PINX1: variants seen among roughly 807,000 people sequenced by gnomAD.
PINX1 encodes PIN2/TERF1-interacting telomerase inhibitor 1.
PINX1 carries 34 observed loss-of-function variants against 25.4 expected under a neutral mutation model. That is an observed-to-expected ratio of 1.34 (90% CI 1.02 to 1.78). The LOEUF (loss-of-function observed/expected upper bound fraction) is 1.78, where lower values mean the gene tolerates loss of function less well. Ranked by LOEUF, PINX1 falls within the 40% of genes most tolerant of loss-of-function variation. PINX1 has a pLI of 0.00. For synonymous variants in PINX1, 197 were observed against 147.7 expected, an observed-to-expected ratio of 1.33 and a Z score of -2.42; for missense variants, 592 against 404.9, an observed-to-expected ratio of 1.46 and a Z score of -3.97.
At chr8:10,775,434 T>G (rs866566137) in intron 6 of PINX1, among the ~76,000 whole-genome samples, 2,794 of 149,372 alleles carry the variant, frequency 0.019, 175 homozygotes, top group African/African-American at 0.065. Flanking sequence ...TTTTTTTTTT[T>G]TTTTTTGCCT....
chr8:10,832,907 A>G lies in PINX1; in HGVS notation c.207T>C (p.Ala69=), dbSNP rs1563239606. The G allele has an allele frequency of 1.9e-6, 3 of 1,607,326 alleles. No homozygotes were observed. Among genetic ancestry groups the G allele is most frequent in the Non-Finnish European group, 2.6e-6 (3 of 1,174,414 alleles). ...TGCTGCTCACTTCATTATTGATGGT[A>G]GCTCCGAGTCCCAGGTGGTTATTTT... ...QVKNNHLGLG[A]TINNEDNWIA... Residue 69 remains alanine, a synonymous_variant, in exon 3 of 7, where the codon GCT becomes GCC. Transcript: ENST00000314787.
chr8:10,806,466 C>T (rs1477345378), intron 6 of PINX1, among the ~76,000 whole-genome samples: 2 of 152,180 alleles, frequency 1.3e-5, no homozygotes, highest in Non-Finnish European at 2.9e-5. Context: ...TTGAAAAATG[C>T]AACCATTCCC....
chr8:10,820,104 G>T, intron 6 of PINX1, 89 bp downstream of exon 6: 1 of 832,048 alleles, frequency 1.2e-6, no homozygotes, highest in Non-Finnish European at 2.1e-6. Context: ...TGTCAGAAAA[G>T]TACTAGTCAT....
At chr8:10,810,388 C>G (rs1412364408) in intron 6 of PINX1, among the ~76,000 whole-genome samples, 1 of 152,168 alleles carries the variant, frequency 6.6e-6, no homozygotes, top group Non-Finnish European at 1.5e-5. Context: ...GATGCCTTGT[C>G]CAGCCAGAGA....
intron 6 of PINX1, 105 bp from the exon 7 acceptor site, chr8:10,766,021 C>A (rs1801032150): frequency 9.1e-7 from 1 of 1,101,382 alleles, no homozygotes; most frequent in Non-Finnish European, 1.3e-6. Context: ...CACCCACACC[C>A]GGCGCTCACA....
At chr8:10,826,075 C>G in intron 5 of PINX1, 77 bp downstream of exon 5, 1 of 747,984 alleles carries the variant, frequency 1.3e-6, no homozygotes, top group African/African-American at 1.8e-5. Context: ...CGCTATTGGC[C>G]CAGAGCTAAA....
At chr8:10,814,780 G>C (rs1797645929) in intron 6 of PINX1, among the ~76,000 whole-genome samples, 1 of 152,142 alleles carries the variant, frequency 6.6e-6, no homozygotes, top group African/African-American at 2.4e-5. Context: ...AGAATGATGA[G>C]GCTTCAACTG....
intron 6 of PINX1, among the ~76,000 whole-genome samples, chr8:10,795,423 C>T (rs777856626): frequency 2.0e-5 from 3 of 152,242 alleles, no homozygotes; most frequent in African/African-American, 7.2e-5. Context: ...CACACCAAGA[C>T]GGAGTGTTGC....
rs865840447 is a variant in PINX1 at position 10,765,909 on chromosome 8, G to C, written c.479C>G (p.Ala160Gly). 3.7e-6 allele frequency: 6 copies of C among 1,613,384 alleles called. No individual in the cohort carries two copies. The highest frequency in any genetic ancestry group is 1.1e-5 in the South Asian group (1 of 91,068). Residue 160 changes from alanine to glycine, a missense_variant, in exon 7 of 7, where the codon GCC (alanine) becomes GGC (glycine). Physicochemically the swap from Ala to Gly is moderately conservative, Grantham distance 60 (BLOSUM62 0). Coordinates refer to ENST00000314787, the MANE Select transcript of PINX1 (RefSeq NM_017884.6). Reference sequence around the variant, plus strand: ...GTTCTCCTCTGGAGTGGAGGGACTGGCATCGCCCTATGGTGGGCAGAAGAG... The same window carrying C: ...GTTCTCCTCTGGAGTGGAGGGACTGCCATCGCCCTATGGTGGGCAGAAGAG... ...RQSKKTPEGD[A>G]SPSTPEENET...
chr8:10,765,439 T>C lies in PINX1; in HGVS notation c.949A>G (p.Thr317Ala), dbSNP rs748978980. 1 of 1,607,100 alleles carries C rather than the reference T, an allele frequency of 6.2e-7. No individual in the cohort carries two copies. Among genetic ancestry groups the C allele is most frequent in the East Asian group, 2.2e-5 (1 of 44,838 alleles). The change falls in exon 7 of 7, where the codon ACG becomes GCG. Residue 317 changes from threonine (T) to alanine (A), a missense_variant. By Grantham distance (58) the Thr-to-Ala change is moderately conservative. Coordinates refer to ENST00000314787, the MANE Select transcript of PINX1 (RefSeq NM_017884.6). ...TTCTTCTTCTTCTTTTTCACTAGCG[T>C]TTCTTCTAGTGTAGCGTCCTCTGCT... Reference protein sequence around the residue: ...EIAEDATLEETLVKKKKKKDS... With the variant: ...EIAEDATLEEALVKKKKKKDS...
intron 5 of PINX1, among the ~76,000 whole-genome samples, chr8:10,823,368 C>A (rs1251746589): frequency 1.6e-4 from 24 of 152,144 alleles, no homozygotes; most frequent in Non-Finnish European, 3.4e-4. Context: ...TTTCATCCAA[C>A]AACTGCATAA....
At chr8:10,802,766 G>GC (rs2129080228) in intron 6 of PINX1, among the ~76,000 whole-genome samples, 1 of 152,282 alleles carries the variant, frequency 6.6e-6, no homozygotes, top group Non-Finnish European at 1.5e-5. Context: ...GGGATGGGGT[G>GC]CTCTGCTCAG....
intron 6 of PINX1, among the ~76,000 whole-genome samples, chr8:10,784,428 C>A (rs1308360547): frequency 6.6e-6 from 1 of 152,196 alleles, no homozygotes; most frequent in African/African-American, 2.4e-5. Context: ...AGTTTCAGCG[C>A]TACCTAGAAA....
At chr8:10,767,341 T>C (rs1239800296) in intron 6 of PINX1, among the ~76,000 whole-genome samples, 1 of 152,034 alleles carries the variant, frequency 6.6e-6, no homozygotes, top group East Asian at 1.9e-4. Flanking sequence ...TCGATATTAA[T>C]ATGTATCAAT....
At chr8:10,792,981 G>A (rs768767359) in intron 6 of PINX1, among the ~76,000 whole-genome samples, 19 of 152,156 alleles carry the variant, frequency 1.2e-4, no homozygotes, top group Non-Finnish European at 2.5e-4. Context: ...TGTCCAGACT[G>A]TCTTGTTGCC....
chr8:10,798,856 C>G (rs778487588), intron 6 of PINX1, among the ~76,000 whole-genome samples: 2 of 152,132 alleles, frequency 1.3e-5, no homozygotes, highest in East Asian at 3.8e-4. Flanking sequence ...ATAAGTCCAC[C>G]GGGTGATTCT....
At chr8:10,834,992 T>A (rs1392246912) in intron 1 of PINX1, among the ~76,000 whole-genome samples, 1 of 152,212 alleles carries the variant, frequency 6.6e-6, no homozygotes, top group Admixed American at 6.5e-5. Flanking sequence ...TAAGTTGACC[T>A]CTTAAGATTA....
At chr8:10,787,200 A>T (rs1228457770) in intron 6 of PINX1, among the ~76,000 whole-genome samples, 1 of 148,936 alleles carries the variant, frequency 6.7e-6, no homozygotes, top group Non-Finnish European at 1.5e-5. Context: ...ACACATACAC[A>T]TATTTTATGC....
At chr8:10,817,085 A>C (rs1053699537) in intron 6 of PINX1, among the ~76,000 whole-genome samples, 12 of 152,200 alleles carry the variant, frequency 7.9e-5, no homozygotes, top group African/African-American at 2.7e-4. Context: ...GCTGTTACCC[A>C]AGCCAAGAAC....
Sources: allele counts gnomAD v4.1 joint callset (sites outside exome capture counted in the v4.1 genomes callset), GRCh38; gene constraint gnomAD v4.1.1; transcripts MANE v1.5; gene names NCBI Gene and HGNC (gene_info 2026-07-23, HGNC 2026-07-21).